The following PLEKHA5 variants were observed in gnomAD, a reference collection of about 807,000 sequenced individuals.
PLEKHA5 encodes pleckstrin homology domain-containing family A member 5.
Under a neutral mutation model 181.9 loss-of-function variants are expected in PLEKHA5, and 55 were observed. The ratio of observed to expected loss-of-function variants is 0.30; its 90% CI spans 0.24 to 0.38. The LOEUF is 0.38. Ranked by LOEUF, PLEKHA5 falls within the 10% of genes least tolerant of loss-of-function variation. The pLI is 1.00. For synonymous variants in PLEKHA5, 535 were observed against 529.4 expected, an observed-to-expected ratio of 1.01 and a Z score of -0.15; for missense variants, 1,432 against 1,549.5, an observed-to-expected ratio of 0.92 and a Z score of 1.27.
At chr12:19,342,756 G>A (rs962645908) in intron 21 of PLEKHA5, among the ~76,000 whole-genome samples, 7 of 151,828 alleles carry the variant, frequency 4.6e-5, no homozygotes, top group Non-Finnish European at 1.0e-4. Context: ...CAGCCTGGGC[G>A]ACAGAGCAAG....
At chr12:19,250,036 C>T (rs1414974653) in intron 3 of PLEKHA5, among the ~76,000 whole-genome samples, 1 of 152,152 alleles carries the variant, frequency 6.6e-6, no homozygotes, top group Non-Finnish European at 1.5e-5. Context: ...CTGGCCTCTA[C>T]CCACTAGACA....
At chr12:19,185,654 G>A (rs7963106) in intron 3 of PLEKHA5, among the ~76,000 whole-genome samples, 135,308 of 152,196 alleles carry the variant, frequency 0.89, 60,963 homozygotes, top group Non-Finnish European at 0.97. Context: ...TTTTGTTTAA[G>A]CTAATTTGAA....
intron 3 of PLEKHA5, among the ~76,000 whole-genome samples, chr12:19,251,108 T>C (rs1361037759): frequency 6.6e-6 from 1 of 151,922 alleles, no homozygotes; most frequent in Non-Finnish European, 1.5e-5. Flanking sequence ...TATCTGAAAT[T>C]GAGTTGAAAG....
chr12:19,210,676 T>G (rs2056726454), intron 3 of PLEKHA5, among the ~76,000 whole-genome samples: 1 of 152,196 alleles, frequency 6.6e-6, no homozygotes, highest in African/African-American at 2.4e-5. Flanking sequence ...CAGAAACATA[T>G]TTTCCCTTTG....
chr12:19,261,360 C>T (rs552258264), intron 7 of PLEKHA5, among the ~76,000 whole-genome samples: 12 of 152,212 alleles, frequency 7.9e-5, no homozygotes, highest in African/African-American at 2.9e-4. Flanking sequence ...CTTATGGGTC[C>T]TTCAAGCACC....
chr12:19,158,362 A>T (rs1017904777), intron 3 of PLEKHA5, among the ~76,000 whole-genome samples: 21 of 152,150 alleles, frequency 1.4e-4, no homozygotes, highest in African/African-American at 4.6e-4. Context: ...CAAAAAAAAA[A>T]ATTTAAGTTT....
chr12:19,173,477 T>C (rs4329734), intron 3 of PLEKHA5, among the ~76,000 whole-genome samples: 134,848 of 151,942 alleles, frequency 0.89, 60,708 homozygotes, highest in Non-Finnish European at 0.97. Flanking sequence ...AAAAATGTGC[T>C]CCATTATCGG....
At chr12:19,181,839 T>G (rs2048673508) in intron 3 of PLEKHA5, among the ~76,000 whole-genome samples, 1 of 152,080 alleles carries the variant, frequency 6.6e-6, no homozygotes, top group Non-Finnish European at 1.5e-5. Flanking sequence ...AGGTAATGGG[T>G]AATGTCAAGG....
intron 3 of PLEKHA5, among the ~76,000 whole-genome samples, chr12:19,176,808 T>C (rs1003142089): frequency 3.3e-5 from 5 of 152,172 alleles, no homozygotes; most frequent in African/African-American, 4.8e-5. Context: ...TTTTGAAATA[T>C]GTATACACTG....
chr12:19,257,431 A>AGACTTCACG lies in PLEKHA5; in HGVS notation c.433-1_440dup. ...TTTCTGTCATGCTCTTTTTCTATTT[A>AGACTTCACG]GACTTCACGAGCTTCAAAAAAAGTT... On this transcript the variant is annotated splice_acceptor_variant, in intron 5 of 31. Transcript: ENST00000429027. LOFTEE classifies it high-confidence loss of function. The AGACTTCACG allele has an allele frequency of 6.8e-7, 1 of 1,480,026 alleles. No homozygotes were observed. The highest frequency in any genetic ancestry group is 1.2e-5 in the South Asian group (1 of 85,036). 91.7% of individuals were successfully genotyped at this position (1,480,026 alleles called of 1,614,324 possible).
intron 27 of PLEKHA5, among the ~76,000 whole-genome samples, chr12:19,358,778 A>G (rs2095076985): frequency 6.6e-6 from 1 of 152,304 alleles, no homozygotes; most frequent in Non-Finnish European, 1.5e-5. Context: ...TTACCAAGAT[A>G]GTCCCCAATT....
At chr12:19,135,259 C>CCA (rs1162471410) in intron 3 of PLEKHA5, among the ~76,000 whole-genome samples, 2 of 152,064 alleles carry the variant, frequency 1.3e-5, no homozygotes, top group Admixed American at 1.3e-4. Flanking sequence ...TTGGTATTGA[C>CCA]ACTTGCATCT....
At chr12:19,146,739 C>A (rs913326664) in intron 3 of PLEKHA5, among the ~76,000 whole-genome samples, 1 of 152,178 alleles carries the variant, frequency 6.6e-6, no homozygotes. Flanking sequence ...GAGTTGCCAA[C>A]AGGAATATGC....
At chr12:19,320,333 C>A (rs1301366051) in intron 17 of PLEKHA5, among the ~76,000 whole-genome samples, 2 of 152,042 alleles carry the variant, frequency 1.3e-5, no homozygotes, top group South Asian at 2.1e-4. Flanking sequence ...TTATGTTTAA[C>A]AAGCTTGTTA....
chr12:19,184,845 T>A (rs1206845244), intron 3 of PLEKHA5, among the ~76,000 whole-genome samples: 1 of 152,122 alleles, frequency 6.6e-6, no homozygotes, highest in Non-Finnish European at 1.5e-5. Flanking sequence ...GAGAGGACAC[T>A]GGGGAATACC....
Position 19,320,547 on chromosome 12 carries a change from A to T in PLEKHA5, c.2155-15A>T. Reference sequence around the variant, plus strand: ...ATAAGATTTTTTAAGTTGCTATATGATTTTTTTCTTATAGCTGTCACAAGA... The same window carrying T: ...ATAAGATTTTTTAAGTTGCTATATGTTTTTTTTCTTATAGCTGTCACAAGA... On this transcript the variant is annotated splice_polypyrimidine_tract_variant and intron_variant, in intron 17 of 31. Transcript: ENST00000429027. 7.4e-7 allele frequency: 1 copy of T among 1,357,828 alleles called. No homozygotes were observed. Among genetic ancestry groups the T allele is most frequent in the Non-Finnish European group, 1.0e-6 (1 of 962,882 alleles). 84.1% of individuals were successfully genotyped at this position (1,357,828 alleles called of 1,614,324 possible). A position where few individuals can be genotyped will look rare whatever the true frequency, so the allele number is the denominator to read the frequency against.
At chr12:19,330,448 C>T (rs1263216283) in intron 20 of PLEKHA5, among the ~76,000 whole-genome samples, 8 of 151,808 alleles carry the variant, frequency 5.3e-5, no homozygotes, top group South Asian at 2.1e-4. Flanking sequence ...AATAATAAAA[C>T]GTAAACATCT....
chr12:19,141,927 G>A (rs1453132733), intron 3 of PLEKHA5, among the ~76,000 whole-genome samples: 1 of 152,180 alleles, frequency 6.6e-6, no homozygotes, highest in African/African-American at 2.4e-5. Flanking sequence ...TCTACATGGG[G>A]AGTGGTTTTT....
At chr12:19,192,658 A>G (rs1239681878) in intron 3 of PLEKHA5, among the ~76,000 whole-genome samples, 2 of 152,162 alleles carry the variant, frequency 1.3e-5, no homozygotes, top group Non-Finnish European at 2.9e-5. Context: ...TTGAGCCCAG[A>G]TGGCACCTCT....
Sources: allele counts gnomAD v4.1 joint callset (sites outside exome capture counted in the v4.1 genomes callset), GRCh38; gene constraint gnomAD v4.1.1; transcripts MANE v1.5; gene names NCBI Gene and HGNC (gene_info 2026-07-23, HGNC 2026-07-21).